DLC1: variants seen among roughly 807,000 people sequenced by gnomAD.
DLC1 encodes DLC1 Rho GTPase activating protein.
A neutral mutation model predicts 140.3 loss-of-function variants in DLC1; 54 were observed. That is an observed-to-expected ratio of 0.38 (90% CI 0.31 to 0.48). The LOEUF is 0.48. DLC1 is among the 20% of genes least tolerant of loss of function. The probability of loss-of-function intolerance (pLI) is 0.96; values close to 1 mark genes in which losing one functional copy is unlikely to be tolerated. For synonymous variants in DLC1, 986 were observed against 728.1 expected, an observed-to-expected ratio of 1.35 and a Z score of -5.70; for missense variants, 2,536 against 1,907.0, an observed-to-expected ratio of 1.33 and a Z score of -6.14.
At chr8:13,171,974 A>G (rs1176631612) in intron 5 of DLC1, among the ~76,000 whole-genome samples, 1 of 152,170 alleles carries the variant, frequency 6.6e-6, no homozygotes, top group African/African-American at 2.4e-5. Context: ...GAATTAGTTA[A>G]TGGGCTCAGC....
At chr8:13,137,427 A>T (rs547529043) in intron 5 of DLC1, among the ~76,000 whole-genome samples, 1 of 151,686 alleles carries the variant, frequency 6.6e-6, no homozygotes, top group South Asian at 2.1e-4. Flanking sequence ...GGGTCCTCTG[A>T]AAATGTTTCA....
intron 5 of DLC1, among the ~76,000 whole-genome samples, chr8:13,272,426 G>A (rs1017839463): frequency 6.6e-6 from 1 of 152,154 alleles, no homozygotes; most frequent in Non-Finnish European, 1.5e-5. Context: ...GGGCGACAGA[G>A]TGAAACTCTG....
At chr8:13,395,832 C>T (rs1430807454) in intron 3 of DLC1, among the ~76,000 whole-genome samples, 1 of 151,150 alleles carries the variant, frequency 6.6e-6, no homozygotes, top group African/African-American at 2.4e-5. Context: ...GGATCAGGGC[C>T]ATGTCTTCTT....
intron 5 of DLC1, among the ~76,000 whole-genome samples, chr8:13,288,405 C>T (rs571884867): frequency 6.6e-6 from 1 of 152,194 alleles, no homozygotes; most frequent in Non-Finnish European, 1.5e-5. Context: ...CCACTCTTCT[C>T]TCCTTCTAAA....
intron 1 of DLC1, among the ~76,000 whole-genome samples, chr8:13,503,776 C>G (rs1033760081): frequency 1.3e-5 from 2 of 152,170 alleles, no homozygotes; most frequent in African/African-American, 2.4e-5. Flanking sequence ...ATTGTATAGT[C>G]TACCTTTGCT....
intron 1 of DLC1, among the ~76,000 whole-genome samples, chr8:13,522,543 T>G (rs145169656): frequency 1.3e-5 from 2 of 152,130 alleles, no homozygotes; most frequent in East Asian, 3.9e-4. Flanking sequence ...GAGAATCGCT[T>G]GAACCCAGGA....
chr8:13,440,608 G>A (rs534655258), intron 2 of DLC1, among the ~76,000 whole-genome samples: 2 of 151,962 alleles, frequency 1.3e-5, no homozygotes, highest in African/African-American at 2.4e-5. Context: ...GTAGGCCATG[G>A]TAGTTGATAT....
intron 5 of DLC1, among the ~76,000 whole-genome samples, chr8:13,300,192 A>AAATAGTTCTGTGCAATTGAAAG (rs1832132922): frequency 6.6e-6 from 1 of 152,190 alleles, no homozygotes; most frequent in South Asian, 2.1e-4. Context: ...ACAGAAAACC[A>AAATAGTTCTGTGCAATTGAAAG]AACCCCTCAT....
chr8:13,311,443 G>C (rs3910122), intron 4 of DLC1, among the ~76,000 whole-genome samples: 2,766 of 152,224 alleles, frequency 0.018, 99 homozygotes, highest in African/African-American at 0.062. Flanking sequence ...ATGATGTGCT[G>C]GTGTAAGGAT....
chr8:13,180,646 G>T (rs1216985495), intron 5 of DLC1, among the ~76,000 whole-genome samples: 1 of 151,760 alleles, frequency 6.6e-6, no homozygotes, highest in Non-Finnish European at 1.5e-5. Flanking sequence ...CTAAATCAAT[G>T]TAATCACATA....
At chr8:13,175,209 A>G (rs1036916745) in intron 5 of DLC1, among the ~76,000 whole-genome samples, 1 of 151,150 alleles carries the variant, frequency 6.6e-6, no homozygotes, top group African/African-American at 2.4e-5. Flanking sequence ...ATTATGTTCC[A>G]TTGGTCTGTG....
chr8:13,156,037 G>A (rs1004573791), intron 5 of DLC1, among the ~76,000 whole-genome samples: 1 of 151,960 alleles, frequency 6.6e-6, no homozygotes, highest in Non-Finnish European at 1.5e-5. Flanking sequence ...CTTAAAAATT[G>A]GAGACAAATG....
intron 5 of DLC1, among the ~76,000 whole-genome samples, chr8:13,156,355 C>T (rs1451525422): frequency 2.0e-5 from 3 of 152,110 alleles, no homozygotes; most frequent in Non-Finnish European, 4.4e-5. Flanking sequence ...TGAATTTCTT[C>T]CTGCTGTGCT....
chr8:13,578,257 C>G (rs1010323487), intron 1 of DLC1, among the ~76,000 whole-genome samples: 3 of 152,164 alleles, frequency 2.0e-5, no homozygotes, highest in African/African-American at 7.2e-5. Flanking sequence ...TTTTCATCCC[C>G]AGCCACATGT....
intron 4 of DLC1, among the ~76,000 whole-genome samples, chr8:13,321,543 G>GAA (rs869200841): frequency 2.9e-4 from 3 of 10,464 alleles, no homozygotes; most frequent in African/African-American, 6.4e-4. Flanking sequence ...TCTCAAAAAA[G>GAA]AAAAAAAAAA....
chr8:13,228,981 T>C (rs958741088), intron 5 of DLC1, among the ~76,000 whole-genome samples: 1 of 152,192 alleles, frequency 6.6e-6, no homozygotes, highest in African/African-American at 2.4e-5. Context: ...CCTCATGCGT[T>C]GTTGGTGAGA....
intron 2 of DLC1, among the ~76,000 whole-genome samples, chr8:13,481,666 C>G (rs1269789419): frequency 6.6e-6 from 1 of 152,126 alleles, no homozygotes; most frequent in Non-Finnish European, 1.5e-5. Context: ...GTGCTTGGCA[C>G]AAAACATAAG....
intron 1 of DLC1, chr8:13,559,323 T>C (rs1457263647): frequency 1.3e-5 from 2 of 152,254 alleles, no homozygotes; most frequent in African/African-American, 4.8e-5. Context: ...AAGTTAAGCA[T>C]GGAAGGCTCT....
At chr8:13,466,476 C>G (rs1799945502) in intron 2 of DLC1, among the ~76,000 whole-genome samples, 2 of 152,208 alleles carry the variant, frequency 1.3e-5, no homozygotes, top group Non-Finnish European at 2.9e-5. Flanking sequence ...ATAAAGAGAA[C>G]ACACGTTAGA....
Sources: allele counts gnomAD v4.1 joint callset (sites outside exome capture counted in the v4.1 genomes callset), GRCh38; gene constraint gnomAD v4.1.1; transcripts MANE v1.5; gene names NCBI Gene and HGNC (gene_info 2026-07-23, HGNC 2026-07-21).